Variants in PDCD4 observed in about 807,000 individuals in gnomAD.
PDCD4 encodes programmed cell death protein 4.
Under a neutral mutation model 54.0 loss-of-function variants are expected in PDCD4, and 56 were observed. That is an observed-to-expected ratio of 1.04 (90% CI 0.84 to 1.30). The LOEUF (loss-of-function observed/expected upper bound fraction) is 1.30, where lower values mean the gene tolerates loss of function less well. Among genes scored for constraint, PDCD4 ranks in the 50% most tolerant of loss-of-function variants. The pLI is 0.00. For missense variants in PDCD4, 584 were observed against 559.8 expected (o/e 1.04, Z -0.44); for synonymous variants, 186 against 194.8 (o/e 0.95, Z 0.37).
At position 110,899,504 on chromosome 10, in the gene PDCD4, A is replaced by G. The variant is rs914476331; in HGVS notation, c.*1416A>G. 2.6e-5 allele frequency: 4 copies of G among 152,234 alleles called. No individual in the cohort carries two copies. Among genetic ancestry groups the G allele is most frequent in the African/African-American group, 9.6e-5 (4 of 41,466 alleles). The allele number at this position is 152,234 out of a possible 1,614,324, so 9.4% of individuals were successfully genotyped here. Reference sequence around the variant, plus strand: ...CAGAATAGGTGAGGGTTTCTTAAAAATGAGATTTAAGGGCTGGGCACGGTG... The same window carrying G: ...CAGAATAGGTGAGGGTTTCTTAAAAGTGAGATTTAAGGGCTGGGCACGGTG... On this transcript the variant is annotated 3_prime_UTR_variant, in exon 12 of 12. Transcript: ENST00000280154.
Position 110,889,517 on chromosome 10 carries a change from T to G in PDCD4, c.778-16T>G, listed in dbSNP as rs757150523. On this transcript the variant is annotated splice_polypyrimidine_tract_variant and intron_variant, in intron 6 of 11. Coordinates refer to ENST00000280154, the MANE Select transcript of PDCD4 (RefSeq NM_014456.5). ...TTTAACTTTTTTTATAGCTCTTTTT[T>G]TTTTCCTTTTTACAGTTGGTGGGCC... 1.4e-6 allele frequency: 2 copies of G among 1,443,896 alleles called. No homozygotes were observed. Among genetic ancestry groups the G allele is most frequent in the Admixed American group, 3.9e-5 (2 of 51,006 alleles). The allele number at this position is 1,443,896 out of a possible 1,614,324, so 89.4% of individuals were successfully genotyped here.
Position 110,894,524 on chromosome 10 carries a change from TA to T in PDCD4, c.1209+4del. Reference sequence around the variant, plus strand: ...ATTACTGTAGACCAAATGAAAAGAGTAAGTATAACATTGTTTTTGAACAACT... The same window carrying T: ...ATTACTGTAGACCAAATGAAAAGAGTAGTATAACATTGTTTTTGAACAACT... On this transcript the variant is annotated splice_donor_region_variant and intron_variant, in intron 10 of 11. Coordinates refer to ENST00000280154, the MANE Select transcript of PDCD4 (RefSeq NM_014456.5). 1 of 1,211,676 alleles carries T rather than the reference TA, an allele frequency of 8.3e-7. No homozygotes were observed. The highest frequency in any genetic ancestry group is 1.2e-6 in the Non-Finnish European group (1 of 821,872). 75.1% of individuals were successfully genotyped at this position (1,211,676 alleles called of 1,614,324 possible).
chr10:110,885,050 C>T (rs1444666535), intron 4 of PDCD4: 9 of 382,644 alleles, frequency 2.4e-5, no homozygotes, highest in Admixed American at 4.6e-5. Context: ...CCCGCCTTTG[C>T]CTCCCAAAGT....
intron 5 of PDCD4, among the ~76,000 whole-genome samples, chr10:110,887,143 T>C (rs1200482252): frequency 1.3e-5 from 2 of 152,164 alleles, no homozygotes; most frequent in Non-Finnish European, 2.9e-5. Flanking sequence ...ATATATACCT[T>C]TGGTCTCATA....
chr10:110,878,100 G>T (rs892462002), intron 2 of PDCD4, among the ~76,000 whole-genome samples: 3 of 152,134 alleles, frequency 2.0e-5, no homozygotes, highest in Non-Finnish European at 4.4e-5. Flanking sequence ...AAACAATTTT[G>T]AAGTCAATCA....
chr10:110,872,738 T>A (rs952788370), intron 1 of PDCD4, among the ~76,000 whole-genome samples: 2 of 152,244 alleles, frequency 1.3e-5, no homozygotes, highest in African/African-American at 2.4e-5. Context: ...CTCTTTTTTT[T>A]AGTTTAGGTA....
chr10:110,892,354 A>G (rs1845769383), intron 8 of PDCD4, among the ~76,000 whole-genome samples: 1 of 152,190 alleles, frequency 6.6e-6, no homozygotes, highest in Non-Finnish European at 1.5e-5. Flanking sequence ...AAGAAAATTG[A>G]CAAGATAAAA....
Position 110,881,525 on chromosome 10 carries a change from A to G in PDCD4, c.336A>G (p.Leu112=). 1.2e-6 allele frequency: 2 copies of G among 1,610,262 alleles called. No individual in the cohort carries two copies. Among genetic ancestry groups the G allele is most frequent in the South Asian group, 2.2e-5 (2 of 90,892 alleles). The change falls in exon 3 of 12, where the codon CTA becomes CTG. Residue 112 remains leucine, a synonymous_variant. Transcript: ENST00000280154. ...CCAGATCTGGGAAAGGAAGGGGACT[A>G]CCAAAGAAAGGTTGGTATATATCAT... ...RRSRSGKGRG[L]PKKGGAGGKG...
intron 2 of PDCD4, among the ~76,000 whole-genome samples, chr10:110,876,414 TAAGAAAA>T (rs1327922533): frequency 1.3e-5 from 2 of 152,254 alleles, no homozygotes; most frequent in African/African-American, 4.8e-5. Context: ...ATTCATGCTG[TAAGAAAA>T]CAGGCTATAT....
In PDCD4 at chr10:110,887,692, G is replaced by A; in HGVS notation, c.583G>A (p.Glu195Lys). 1 of 1,612,344 alleles carries A rather than the reference G, an allele frequency of 6.2e-7. No homozygotes were observed. The highest frequency in any genetic ancestry group is 2.2e-5 in the East Asian group (1 of 44,844). The change falls in exon 6 of 12, where the codon GAA becomes AAA. Residue 195 changes from glutamate to lysine, a missense_variant. Glu to Lys is a moderately conservative substitution (Grantham distance 56). Transcript: ENST00000280154. Reference protein sequence around the residue: ...AEMLRDLNLGEMKSGVPVLAV... With the variant: ...AEMLRDLNLGKMKSGVPVLAV... Reference sequence around the variant, plus strand: ...AATGTTAAGAGATTTAAATCTTGGTGAAATGAAAAGTGGAGTACCAGTGTT... The same window carrying A: ...AATGTTAAGAGATTTAAATCTTGGTAAAATGAAAAGTGGAGTACCAGTGTT...
intron 7 of PDCD4, among the ~76,000 whole-genome samples, chr10:110,889,870 C>T (rs895513710): frequency 1.3e-5 from 2 of 152,158 alleles, no homozygotes; most frequent in Non-Finnish European, 2.9e-5. Context: ...AGCCACTCTT[C>T]TTTGGGCCTC....
Position 110,885,305 on chromosome 10 carries a change from A to G in PDCD4, c.494A>G (p.Glu165Gly), listed in dbSNP as rs779900905. 3 of 1,603,014 alleles carry G rather than the reference A, an allele frequency of 1.9e-6. No homozygotes were observed. In the East Asian group the frequency reaches 6.7e-5, roughly 36 times the overall value. Residue 165 changes from glutamate (E) to glycine (G), a missense_variant, in exon 5 of 12, where the codon GAG becomes GGG. Coordinates refer to ENST00000280154, the MANE Select transcript of PDCD4 (RefSeq NM_014456.5). ...TTGCCTTTGGATGAAAGGGCATTTG[A>G]GAAGACTTTAACACCAATCATACAG... Reference protein sequence around the residue: ...VVLPLDERAFEKTLTPIIQEY... With the variant: ...VVLPLDERAFGKTLTPIIQEY...
intron 3 of PDCD4, 23 bp downstream of exon 3, chr10:110,881,558 AAATG>A: frequency 6.4e-7 from 1 of 1,570,178 alleles, no homozygotes; most frequent in South Asian, 1.2e-5. Context: ...CATGTCCAAC[AAATG>A]GAAGATAAAC....
At chr10:110,887,267 A>G (rs1442699679) in intron 5 of PDCD4, among the ~76,000 whole-genome samples, 1 of 152,142 alleles carries the variant, frequency 6.6e-6, no homozygotes, top group Non-Finnish European at 1.5e-5. Flanking sequence ...CCCGGGAGCA[A>G]TAGGTTATAC....
intron 2 of PDCD4, chr10:110,876,872 A>G: frequency 2.6e-6 from 1 of 390,752 alleles, no homozygotes; most frequent in East Asian, 3.8e-5. Flanking sequence ...TATACTTTGG[A>G]TAATTCTTTG....
In PDCD4 at chr10:110,887,818, G is replaced by A. The variant is rs761908977; in HGVS notation, c.709G>A (p.Glu237Lys). 6.2e-7 allele frequency: 1 copy of A among 1,613,742 alleles called. No individual in the cohort carries two copies. Among genetic ancestry groups the A allele is most frequent in the Non-Finnish European group, 8.5e-7 (1 of 1,179,736 alleles). ...CGTVMSTTDV[E>K]KSFDKLLKDL... ...GACAGTAATGAGCACAACTGATGTG[G>A]AAAAATCATTTGATAAATTGTTGAA... The change falls in exon 6 of 12, where the codon GAA (glutamate) becomes AAA (lysine). Residue 237 changes from glutamate (E) to lysine (K), a missense_variant. Glu to Lys is a moderately conservative substitution (Grantham distance 56). Transcript: ENST00000280154.
At position 110,889,423 on chromosome 10, in the gene PDCD4, G is replaced by C. The variant is rs754561974; in HGVS notation, c.778-110G>C. 818 of 717,254 alleles carry C rather than the reference G, an allele frequency of 1.1e-3. 1 individual carries two copies. The highest frequency in any genetic ancestry group is 1.3e-3 in the Non-Finnish European group (544 of 408,734). 44.4% of individuals were successfully genotyped at this position (717,254 alleles called of 1,614,324 possible). The stretch of plus-strand genomic sequence containing the variant: ...TAAAAAAAAATTCCAGCATCTTTTA[G>C]GTACTGACTGTGTACTTCAGCTAAT... On this transcript the variant is annotated intron_variant, in intron 6 of 11. Transcript: ENST00000280154.
At chr10:110,882,216 A>G (rs1845602852) in intron 3 of PDCD4, among the ~76,000 whole-genome samples, 1 of 152,222 alleles carries the variant, frequency 6.6e-6, no homozygotes, top group Admixed American at 6.5e-5. Flanking sequence ...TTATATCAAA[A>G]TGAAACCTGG....
chr10:110,872,391 G>A (rs376192148), intron 1 of PDCD4, among the ~76,000 whole-genome samples: 10 of 152,154 alleles, frequency 6.6e-5, no homozygotes, highest in African/African-American at 2.2e-4. Context: ...GAATTCGGGG[G>A]CCGGGATTGG....
Sources: allele counts gnomAD v4.1 joint callset (sites outside exome capture counted in the v4.1 genomes callset), GRCh38; gene constraint gnomAD v4.1.1; transcripts MANE v1.5; gene names NCBI Gene and HGNC (gene_info 2026-07-23, HGNC 2026-07-21).